The following SPCS2 variants were observed in gnomAD, a reference collection of about 807,000 sequenced individuals.
SPCS2 encodes signal peptidase complex subunit 2, also known as SPase 25 kDa subunit.
A neutral mutation model predicts 22.3 loss-of-function variants in SPCS2; 3 were observed. The observed-to-expected ratio is 0.13, with a 90% confidence interval of 0.06 to 0.35. The LOEUF (loss-of-function observed/expected upper bound fraction) is 0.35, where lower values mean the gene tolerates loss of function less well. Among genes scored for constraint, SPCS2 ranks in the 10% least tolerant of loss-of-function variants. The probability of loss-of-function intolerance (pLI) is 1.00; values close to 1 mark genes in which losing one functional copy is unlikely to be tolerated. For missense variants in SPCS2, 169 were observed against 280.9 expected, an observed-to-expected ratio of 0.60 and a Z score of 2.85; for synonymous variants, 67 against 97.2, an observed-to-expected ratio of 0.69 and a Z score of 1.83.
chr11:74,949,649 G>A (rs1948323795), intron 1 of SPCS2: 1 of 544,040 alleles, frequency 1.8e-6, no homozygotes, highest in Non-Finnish European at 3.5e-6. Flanking sequence ...CACCTTTTTC[G>A]GTAATTTGAT....
At chr11:74,962,153 G>A (rs1189714187) in intron 1 of SPCS2, among the ~76,000 whole-genome samples, 1 of 152,186 alleles carries the variant, frequency 6.6e-6, no homozygotes, top group Non-Finnish European at 1.5e-5. Flanking sequence ...AAATTGACCT[G>A]TGTAAGGGAT....
rs181499306 is a variant in SPCS2 at position 74,972,574 on chromosome 11, G to C, written c.494+2875G>C. 2.0e-5 allele frequency among the ~76,000 whole-genome samples: 3 copies of C among 152,248 alleles called. No individual in the cohort carries two copies. In the East Asian group the frequency reaches 5.8e-4, roughly 29 times the overall value. On this transcript the variant is annotated intron_variant, in intron 4 of 4. Transcript: ENST00000263672. ...CAGACCCAGCCCAGGGCCTGGCGTG[G>C]CATGTTTTGTTATGTGAATGATTGA...
chr11:74,957,805 C>T (rs1391183306), intron 1 of SPCS2, among the ~76,000 whole-genome samples: 1 of 152,056 alleles, frequency 6.6e-6, no homozygotes, highest in African/African-American at 2.4e-5. Flanking sequence ...TTCTTGTCTA[C>T]CCATTGCAAA....
intron 1 of SPCS2, among the ~76,000 whole-genome samples, chr11:74,953,564 A>AG (rs1460055031): frequency 1.3e-5 from 2 of 152,192 alleles, no homozygotes; most frequent in Admixed American, 6.5e-5. Context: ...CTGCAGCTGT[A>AG]GTTTCACTTG....
chr11:74,967,794 T>G (rs1270070561), intron 3 of SPCS2, among the ~76,000 whole-genome samples: 1 of 151,964 alleles, frequency 6.6e-6, no homozygotes, highest in Non-Finnish European at 1.5e-5. Context: ...ATTAGCTGGG[T>G]GTAGTGGCAC....
intron 4 of SPCS2, among the ~76,000 whole-genome samples, chr11:74,974,593 A>G (rs1485491885): frequency 6.6e-6 from 1 of 151,996 alleles, no homozygotes; most frequent in East Asian, 1.9e-4. Context: ...TCTCTCACAT[A>G]TGTTACTGTA....
intron 4 of SPCS2, among the ~76,000 whole-genome samples, chr11:74,975,143 C>G (rs1423383516): frequency 6.6e-6 from 1 of 152,064 alleles, no homozygotes; most frequent in African/African-American, 2.4e-5. Context: ...CTCCTTGGCT[C>G]TCATCCTCTC....
intron 1 of SPCS2, among the ~76,000 whole-genome samples, chr11:74,954,719 T>C (rs1413356128): frequency 1.3e-5 from 2 of 152,210 alleles, no homozygotes; most frequent in Admixed American, 6.5e-5. Context: ...CTCATTATTT[T>C]TTATTTCCTC....
At chr11:74,974,383 C>G (rs61896304) in intron 4 of SPCS2, among the ~76,000 whole-genome samples, 2 of 152,098 alleles carry the variant, frequency 1.3e-5, no homozygotes, top group African/African-American at 4.8e-5. Flanking sequence ...AGGTCCAAAA[C>G]CTAACTCATC....
chr11:74,950,680 A>T (rs769525501), intron 1 of SPCS2, among the ~76,000 whole-genome samples: 25 of 152,090 alleles, frequency 1.6e-4, no homozygotes, highest in Non-Finnish European at 2.9e-4. Context: ...GGGACTGCAA[A>T]TGTGCACCAC....
At chr11:74,963,747 T>C (rs1488168877) in intron 1 of SPCS2, 6 of 213,392 alleles carry the variant, frequency 2.8e-5, no homozygotes, top group East Asian at 1.5e-4. Flanking sequence ...TTGTGCTCAA[T>C]CCGAAAGATA....
intron 1 of SPCS2, among the ~76,000 whole-genome samples, chr11:74,953,129 A>G (rs536284141): frequency 2.0e-5 from 3 of 152,184 alleles, no homozygotes; most frequent in Non-Finnish European, 4.4e-5. Context: ...GAACTTGGGG[A>G]AAAAAATGTT....
chr11:74,952,389 A>G (rs889347726), intron 1 of SPCS2, among the ~76,000 whole-genome samples: 1 of 152,232 alleles, frequency 6.6e-6, no homozygotes, highest in Non-Finnish European at 1.5e-5. Context: ...ATTCATACAT[A>G]TTATAGGCTT....
chr11:74,978,360 T>G lies in SPCS2; in HGVS notation c.*1317T>G, dbSNP rs1264024905. On this transcript the variant is annotated 3_prime_UTR_variant, in exon 5 of 5. Coordinates refer to ENST00000263672, the MANE Select transcript of SPCS2 (RefSeq NM_014752.3). Reference sequence around the variant, plus strand: ...ATTGTGAACAACACTGGACAGAAAGTTAAAGCCTTGGATTCTGTACTCTTC... The same window carrying G: ...ATTGTGAACAACACTGGACAGAAAGGTAAAGCCTTGGATTCTGTACTCTTC... The G allele has an allele frequency of 1.3e-5, 2 of 152,198 alleles. No homozygotes were observed. Among genetic ancestry groups the G allele is most frequent in the African/African-American group, 4.8e-5 (2 of 41,454 alleles). The allele number at this position is 152,198 out of a possible 1,614,324, so 9.4% of individuals were successfully genotyped here.
chr11:74,965,850 A>G lies in SPCS2; in HGVS notation c.286A>G (p.Ile96Val), dbSNP rs532234553. The G allele has an allele frequency of 4.0e-5, 65 of 1,613,500 alleles. 2 individuals are homozygous for G. The South Asian group carries it at 6.5e-4, about 16-fold the overall frequency. The stretch of plus-strand genomic sequence containing the variant: ...CTGTACAATCTCCTGTTTCTTTGCC[A>G]TAGTGGCTTTGATTTGGGATTATAT... ...TICTISCFFAIVALIWDYMHP... is the reference protein window; with the variant it reads ...TICTISCFFAVVALIWDYMHP... Residue 96 changes from isoleucine (I) to valine (V), a missense_variant, in exon 3 of 5, where the codon ATA (isoleucine) becomes GTA (valine). Transcript: ENST00000263672.
At chr11:74,954,212 G>A (rs1948463170) in intron 1 of SPCS2, among the ~76,000 whole-genome samples, 1 of 152,228 alleles carries the variant, frequency 6.6e-6, no homozygotes, top group South Asian at 2.1e-4. Context: ...TCTTTAAAAT[G>A]TTTATAATGA....
intron 1 of SPCS2, among the ~76,000 whole-genome samples, chr11:74,955,866 A>ATATATC (rs1411916112): frequency 9.9e-6 from 1 of 101,290 alleles, no homozygotes; most frequent in African/African-American, 4.7e-5. Flanking sequence ...ATATATATAT[A>ATATATC]TATATATATA....
At chr11:74,962,345 A>G (rs1404627182) in intron 1 of SPCS2, among the ~76,000 whole-genome samples, 1 of 152,078 alleles carries the variant, frequency 6.6e-6, no homozygotes, top group Non-Finnish European at 1.5e-5. Flanking sequence ...AGCTTGTCAG[A>G]TACCAGCCAA....
Position 74,977,235 on chromosome 11 carries a change from T to A in SPCS2, c.*192T>A. The A allele has an allele frequency of 1.8e-6, 1 of 560,362 alleles. No homozygotes were observed. The highest frequency in any genetic ancestry group is 2.9e-6 in the Non-Finnish European group (1 of 341,804). The allele number at this position is 560,362 out of a possible 1,614,324, so 34.7% of individuals were successfully genotyped here. Reference sequence around the variant, plus strand: ...GATATGAGAAGTTGTAGCTCTGATGTCTAGCTGTAGTCTCCTTGATCTGCT... The same window carrying A: ...GATATGAGAAGTTGTAGCTCTGATGACTAGCTGTAGTCTCCTTGATCTGCT... On this transcript the variant is annotated 3_prime_UTR_variant, in exon 5 of 5. Coordinates refer to ENST00000263672, the MANE Select transcript of SPCS2 (RefSeq NM_014752.3).
Sources: gnomAD v4.1 joint callset for allele counts (sites outside exome capture counted in the v4.1 genomes callset) on GRCh38, gnomAD v4.1.1 for gene constraint, MANE v1.5 for transcripts, NCBI Gene and HGNC (gene_info 2026-07-23, HGNC 2026-07-21) for gene names.